Variants in KATNAL2 observed in about 807,000 individuals in gnomAD.
The protein encoded by KATNAL2 is katanin catalytic subunit A1 like 2.
A neutral mutation model predicts 76.3 loss-of-function variants in KATNAL2; 52 were observed. The ratio of observed to expected loss-of-function variants is 0.68; its 90% CI spans 0.55 to 0.86. The LOEUF (loss-of-function observed/expected upper bound fraction) is 0.86. Among genes scored for constraint, KATNAL2 ranks in the 40% least tolerant of loss-of-function variants. KATNAL2 has a pLI of 0.00. For missense variants in KATNAL2, 660 were observed against 668.9 expected, an observed-to-expected ratio of 0.99 and a Z score of 0.15; for synonymous variants, 243 against 244.2, an observed-to-expected ratio of 1.00 and a Z score of 0.05.
Position 47,101,890 on chromosome 18 carries a change from G to A in KATNAL2, c.*885G>A, listed in dbSNP as rs1030258604. ...CATCTCTCTCAGAAACCCACAATCCGAGGCATCTACTTTCAACCCTTGATA... is the reference window on the plus strand; with the variant it reads ...CATCTCTCTCAGAAACCCACAATCCAAGGCATCTACTTTCAACCCTTGATA... On this transcript the variant is annotated 3_prime_UTR_variant, in exon 18 of 18. Coordinates refer to ENST00000683218, the MANE Select transcript of KATNAL2 (RefSeq NM_001387690.1). The A allele has an allele frequency of 1.3e-5, 2 of 152,094 alleles. No individual in the cohort carries two copies. The highest frequency in any genetic ancestry group is 2.9e-5 in the Non-Finnish European group (2 of 68,040). 9.4% of individuals were successfully genotyped at this position (152,094 alleles called of 1,614,324 possible).
chr18:46,922,907 ATATT>A (rs1374235346), intron 1 of KATNAL2, among the ~76,000 whole-genome samples: 1 of 148,152 alleles, frequency 6.7e-6, no homozygotes, highest in African/African-American at 2.4e-5. Flanking sequence ...AATATAATAT[ATATT>A]TAATATATAA....
chr18:46,954,599 G>C (rs2059669069), intron 3 of KATNAL2, among the ~76,000 whole-genome samples: 1 of 151,856 alleles, frequency 6.6e-6, no homozygotes, highest in Non-Finnish European at 1.5e-5. Flanking sequence ...AGAGTGCTGG[G>C]ATTACAGGTG....
intron 3 of KATNAL2, among the ~76,000 whole-genome samples, chr18:47,031,848 C>T (rs1316218819): frequency 6.6e-6 from 1 of 152,128 alleles, no homozygotes; most frequent in Admixed American, 6.5e-5. Flanking sequence ...TCTTGTCTTC[C>T]TGAAATGCAG....
chr18:47,091,886 C>G (rs2063014888), intron 15 of KATNAL2, among the ~76,000 whole-genome samples: 1 of 152,120 alleles, frequency 6.6e-6, no homozygotes. Context: ...AGTAGCTGAT[C>G]CAAAGTAAAG....
At chr18:47,055,121 C>T (rs1297347277) in intron 6 of KATNAL2, among the ~76,000 whole-genome samples, 1 of 152,178 alleles carries the variant, frequency 6.6e-6, no homozygotes, top group Non-Finnish European at 1.5e-5. Flanking sequence ...TGCCAGTGTC[C>T]TTCGCATTCC....
At chr18:46,955,019 T>C (rs976785212) in intron 3 of KATNAL2, among the ~76,000 whole-genome samples, 1 of 152,120 alleles carries the variant, frequency 6.6e-6, no homozygotes, top group African/African-American at 2.4e-5. Context: ...TCTTTGCTTT[T>C]GGCTTTCTTT....
chr18:47,069,227 A>C lies in KATNAL2; in HGVS notation c.833A>C (p.Gln278Pro), dbSNP rs776270531. Residue 278 changes from glutamine to proline, a missense_variant, in exon 12 of 18, where the codon CAG becomes CCG. Physicochemically the swap from Gln to Pro is moderately conservative, Grantham distance 76 (BLOSUM62 -1). Coordinates refer to ENST00000683218, the MANE Select transcript of KATNAL2 (RefSeq NM_001387690.1). ...EAVVYPIRYP[Q>P]LFTGILSPWK... ...TGTTCCTTGTTTCCTTAGTATCCAC[A>C]GCTATTTACAGGAATTCTTTCTCCC... 1.4e-5 allele frequency: 22 copies of C among 1,610,606 alleles called. No individual in the cohort carries two copies. Among genetic ancestry groups the C allele is most frequent in the Middle Eastern group, 1.6e-4 (1 of 6,078 alleles).
At chr18:46,961,008 G>T (rs1181069243) in intron 3 of KATNAL2, among the ~76,000 whole-genome samples, 1 of 152,196 alleles carries the variant, frequency 6.6e-6, no homozygotes, top group East Asian at 1.9e-4. Flanking sequence ...ACGTTAAAGG[G>T]TCATGATAGA....
chr18:46,957,842 G>A (rs1299447006), intron 3 of KATNAL2, among the ~76,000 whole-genome samples: 5 of 152,088 alleles, frequency 3.3e-5, no homozygotes, highest in Admixed American at 6.6e-5. Flanking sequence ...GAATACAGGC[G>A]TGAGCCACCG....
chr18:47,063,655 A>G (rs2061703451), intron 10 of KATNAL2, among the ~76,000 whole-genome samples: 2 of 152,212 alleles, frequency 1.3e-5, no homozygotes, highest in South Asian at 4.1e-4. Flanking sequence ...CAGAGCCAAG[A>G]GTCAAGGAAA....
At chr18:46,947,153 G>T (rs945356357) in intron 3 of KATNAL2, among the ~76,000 whole-genome samples, 2 of 152,216 alleles carry the variant, frequency 1.3e-5, no homozygotes, top group African/African-American at 4.8e-5. Context: ...CAACGGGTCG[G>T]ATGAAAGGGA....
chr18:47,076,402 G>A (rs2062224767), intron 14 of KATNAL2: 1 of 152,034 alleles, frequency 6.6e-6, no homozygotes, highest in Admixed American at 6.5e-5. Flanking sequence ...GATAGAAGCA[G>A]GCAACTGCAC....
chr18:46,931,699 G>C (rs1043454942), intron 1 of KATNAL2, among the ~76,000 whole-genome samples: 2 of 148,026 alleles, frequency 1.4e-5, no homozygotes, highest in African/African-American at 5.0e-5. Flanking sequence ...AGGAAGGAAG[G>C]AAGAGAGAGA....
intron 1 of KATNAL2, chr18:46,920,104 TCCTC>T (rs1447311566): frequency 4.7e-6 from 6 of 1,289,376 alleles, no homozygotes; most frequent in Non-Finnish European, 6.1e-6. Flanking sequence ...TTCTGCCCCT[TCCTC>T]AATGTGTAGC....
chr18:47,090,819 G>A (rs2062969870), intron 15 of KATNAL2, among the ~76,000 whole-genome samples: 1 of 152,140 alleles, frequency 6.6e-6, no homozygotes, highest in African/African-American at 2.4e-5. Context: ...TTTGGCCCAA[G>A]TGGGAATTGT....
chr18:47,036,598 A>G (rs2060783668), intron 3 of KATNAL2, among the ~76,000 whole-genome samples: 1 of 152,194 alleles, frequency 6.6e-6, no homozygotes. Flanking sequence ...ACCTGTTTTA[A>G]AACTTTAAAG....
At chr18:47,031,417 G>T (rs1278757613) in intron 3 of KATNAL2, among the ~76,000 whole-genome samples, 13 of 151,536 alleles carry the variant, frequency 8.6e-5, no homozygotes, top group Non-Finnish European at 1.6e-4. Flanking sequence ...GTGTCTCTCT[G>T]TCTTTCTTTT....
intron 10 of KATNAL2, among the ~76,000 whole-genome samples, chr18:47,063,736 G>A (rs1599722718): frequency 6.6e-6 from 1 of 152,114 alleles, no homozygotes; most frequent in Non-Finnish European, 1.5e-5. Flanking sequence ...AAATAGAGAC[G>A]TCGGGAGTCT....
chr18:47,061,808 C>G (rs1353721605), intron 8 of KATNAL2, among the ~76,000 whole-genome samples: 2 of 152,046 alleles, frequency 1.3e-5, no homozygotes, highest in Non-Finnish European at 2.9e-5. Context: ...GAAAGGAGAG[C>G]CTTGGTGCAG....
Sources: allele counts gnomAD v4.1 joint callset (sites outside exome capture counted in the v4.1 genomes callset), GRCh38; gene constraint gnomAD v4.1.1; transcripts MANE v1.5; gene names NCBI Gene and HGNC (gene_info 2026-07-23, HGNC 2026-07-21).